UBN2: variants seen among roughly 807,000 people sequenced by gnomAD.
The protein encoded by UBN2 is ubinuclein-2.
In UBN2, 35 loss-of-function variants were observed where a neutral mutation model predicts 120.2. That is an observed-to-expected ratio of 0.29 (90% CI 0.22 to 0.39). The LOEUF (loss-of-function observed/expected upper bound fraction) is 0.39, where lower values mean the gene tolerates loss of function less well. Ranked by LOEUF, UBN2 falls within the 10% of genes least tolerant of loss-of-function variation. The probability of loss-of-function intolerance (pLI) is 1.00; values close to 1 mark genes in which losing one functional copy is unlikely to be tolerated. For synonymous variants in UBN2, 661 were observed against 648.7 expected (o/e 1.02, Z -0.29); for missense variants, 1,693 against 1,663.2 (o/e 1.02, Z -0.31).
rs1257335626 is a variant in UBN2, at chr7:139,299,249, T to C, written c.*1413T>C. ...AATATTTTCATACTATATCAGAGAA[T>C]GGTGTAAACTCTAAATGGTATAAGC... On this transcript the variant is annotated 3_prime_UTR_variant, in exon 18 of 18. Transcript: ENST00000473989. The C allele has an allele frequency of 6.6e-6, 1 of 152,190 alleles. No individual in the cohort carries two copies. The highest frequency in any genetic ancestry group is 6.5e-5 in the Admixed American group (1 of 15,274). The allele number at this position is 152,190 out of a possible 1,614,324, so 9.4% of individuals were successfully genotyped here.
chr7:139,303,504 C>G lies in UBN2; in HGVS notation c.*5668C>G, dbSNP rs77110946. On this transcript the variant is annotated 3_prime_UTR_variant, in exon 18 of 18. Coordinates refer to ENST00000473989, the MANE Select transcript of UBN2 (RefSeq NM_173569.4). ...GAACTTACCAGGCAGTTGGAATTCA[C>G]GAGTGTTATTCTTGAATGACTATGT... is the stretch of plus-strand genomic sequence containing the variant. 0.057 allele frequency: 8,628 copies of G among 152,170 alleles called. 483 individuals carry two copies. The highest frequency in any genetic ancestry group is 0.14 in the African/African-American group (5,820 of 41,484). 9.4% of individuals were successfully genotyped at this position (152,170 alleles called of 1,614,324 possible). A position where few individuals can be genotyped will look rare whatever the true frequency, so the allele number is the denominator to read the frequency against.
At chr7:139,293,493 TG>T in intron 16 of UBN2, 30 bp downstream of exon 16, 1 of 1,594,378 alleles carries the variant, frequency 6.3e-7, no homozygotes, top group Non-Finnish European at 8.6e-7. Context: ...TTGGTTGGGC[TG>T]TCTAGCTTGA....
intron 2 of UBN2, among the ~76,000 whole-genome samples, chr7:139,244,227 A>G (rs1443624685): frequency 6.6e-6 from 1 of 152,190 alleles, no homozygotes; most frequent in Admixed American, 6.5e-5. Flanking sequence ...GATAAATGAA[A>G]AGATCAAAAT....
chr7:139,284,436 C>T lies in UBN2; in HGVS notation c.3531C>T (p.Asn1177=), dbSNP rs541586281. 2 of 1,614,152 alleles carry T rather than the reference C, an allele frequency of 1.2e-6. No homozygotes were observed. The highest frequency in any genetic ancestry group is 2.7e-5 in the African/African-American group (2 of 75,028). Residue 1177 remains asparagine, a synonymous_variant, in exon 15 of 18, where the codon AAC becomes AAT. Transcript: ENST00000473989. The part of the protein sequence containing the change: ...AMNVPASRGS[N]LNSSGANRTS... ...ATGTACCTGCCAGCAGAGGTAGCAACCTTAACTCAAGCGGAGCTAATAGGA... is the reference window on the plus strand; with the variant it reads ...ATGTACCTGCCAGCAGAGGTAGCAATCTTAACTCAAGCGGAGCTAATAGGA...
rs548953543 is a variant in UBN2 at position 139,244,507 on chromosome 7, TAA to T, written c.561+7418_561+7419del. Among the ~76,000 whole-genome samples the T allele has an allele frequency of 2.0e-5, 3 of 150,922 alleles. No homozygotes were observed. The South Asian group carries it at 6.3e-4, about 32-fold the overall frequency. ...GGCAACATAGCAAGACCCCATCTCT[TAA>T]AAAAAAAGTTAGATCACCTGAGCAA... On this transcript the variant is annotated intron_variant, in intron 2 of 17. Transcript: ENST00000473989.
At chr7:139,236,407 T>G (rs755939432) in intron 1 of UBN2, among the ~76,000 whole-genome samples, 6 of 152,244 alleles carry the variant, frequency 3.9e-5, no homozygotes, top group Admixed American at 1.3e-4. Context: ...ACAGAAAGCC[T>G]TAGCCGCTAC....
intron 17 of UBN2, among the ~76,000 whole-genome samples, chr7:139,297,207 A>G (rs1450710555): frequency 1.3e-5 from 2 of 151,500 alleles, no homozygotes; most frequent in Non-Finnish European, 2.9e-5. Flanking sequence ...AAAAAAAAAA[A>G]AAAAGGAAAG....
At chr7:139,318,923 G>A in the UBN2 span, among the ~76,000 whole-genome samples, 44 of 152,170 alleles carry the variant, frequency 2.9e-4, no homozygotes, top group Admixed American at 4.6e-4. Flanking sequence ...GGACTCTTGC[G>A]GGGGTGGTTC....
At chr7:139,235,225 A>C in intron 1 of UBN2, among the ~76,000 whole-genome samples, 1 of 152,154 alleles carries the variant, frequency 6.6e-6, no homozygotes. Flanking sequence ...TTCACAGTGC[A>C]AGAGGGAGCA....
intron 13 of UBN2, among the ~76,000 whole-genome samples, chr7:139,280,791 G>A (rs1428369072): frequency 2.0e-5 from 3 of 152,060 alleles, no homozygotes; most frequent in African/African-American, 4.8e-5. Context: ...GACTACAGGC[G>A]CACACCACCA....
chr7:139,270,704 A>G (rs1324294787), intron 8 of UBN2, among the ~76,000 whole-genome samples: 2 of 152,222 alleles, frequency 1.3e-5, no homozygotes, highest in East Asian at 1.9e-4. Context: ...ATAATTCTTC[A>G]AAAGTAATCA....
In UBN2 at chr7:139,307,780, T is replaced by G. The variant is rs957421729; in HGVS notation, c.*9944T>G. Reference sequence around the variant, plus strand: ...TCTCAGTTCTACGTGCCCTTTGAACTTTAATGGTAAAACATTTCACACTTT... The same window carrying G: ...TCTCAGTTCTACGTGCCCTTTGAACGTTAATGGTAAAACATTTCACACTTT... On this transcript the variant is annotated 3_prime_UTR_variant, in exon 18 of 18. Coordinates refer to ENST00000473989, the MANE Select transcript of UBN2 (RefSeq NM_173569.4). The G allele has an allele frequency of 2.6e-5, 4 of 152,220 alleles. No homozygotes were observed. The highest frequency in any genetic ancestry group is 1.3e-4 in the Admixed American group (2 of 15,276). The allele number at this position is 152,220 out of a possible 1,614,324, so 9.4% of individuals were successfully genotyped here.
At position 139,308,026 on chromosome 7, in the gene UBN2, T is replaced by G. The variant is rs1293409412; in HGVS notation, c.*10190T>G. On this transcript the variant is annotated 3_prime_UTR_variant, in exon 18 of 18. Coordinates refer to ENST00000473989, the MANE Select transcript of UBN2 (RefSeq NM_173569.4). Reference sequence around the variant, plus strand: ...CTCCTTCAGTGCAGGGATTTTTGTGTTTTTTTTTTTTTTTTAATTTTTTTG... The same window carrying G: ...CTCCTTCAGTGCAGGGATTTTTGTGGTTTTTTTTTTTTTTTAATTTTTTTG... The G allele has an allele frequency of 1.1e-5, 1 of 92,670 alleles. No individual in the cohort carries two copies. The highest frequency in any genetic ancestry group is 1.8e-5 in the Non-Finnish European group (1 of 54,602). 5.7% of individuals were successfully genotyped at this position (92,670 alleles called of 1,614,324 possible). A position where few individuals can be genotyped will look rare whatever the true frequency, so the allele number is the denominator to read the frequency against.
At chr7:139,277,306 C>G (rs887035105) in intron 12 of UBN2, 1 of 152,210 alleles carries the variant, frequency 6.6e-6, no homozygotes, top group Admixed American at 6.5e-5. Context: ...CCTCATCCCA[C>G]ACAGTCAGAA....
At chr7:139,317,127 C>T in the UBN2 span, among the ~76,000 whole-genome samples, 4 of 151,902 alleles carry the variant, frequency 2.6e-5, no homozygotes, top group Admixed American at 6.6e-5. Context: ...GTTTTTCCTT[C>T]TCTATTCTGT....
Position 139,300,396 on chromosome 7 carries a change from A to G in UBN2, c.*2560A>G, listed in dbSNP as rs1358269339. 1 of 152,158 alleles carries G rather than the reference A, an allele frequency of 6.6e-6. No individual in the cohort carries two copies. Among genetic ancestry groups the G allele is most frequent in the African/African-American group, 2.4e-5 (1 of 41,432 alleles). The allele number at this position is 152,158 out of a possible 1,614,324, so 9.4% of individuals were successfully genotyped here. ...AGTTTCTACATGTAAATAGTAATCTATTTCTTTCCTAGATCATAACATTGA... is the reference window on the plus strand; with the variant it reads ...AGTTTCTACATGTAAATAGTAATCTGTTTCTTTCCTAGATCATAACATTGA... On this transcript the variant is annotated 3_prime_UTR_variant, in exon 18 of 18. Coordinates refer to ENST00000473989, the MANE Select transcript of UBN2 (RefSeq NM_173569.4).
intron 2 of UBN2, among the ~76,000 whole-genome samples, chr7:139,247,612 G>A (rs1295420383): frequency 6.6e-6 from 1 of 152,196 alleles, no homozygotes; most frequent in African/African-American, 2.4e-5. Flanking sequence ...AATAATAGAT[G>A]ATTGTACTTA....
chr7:139,246,869 C>T (rs138063228), intron 2 of UBN2, among the ~76,000 whole-genome samples: 463 of 152,258 alleles, frequency 3.0e-3, no homozygotes, highest in Non-Finnish European at 4.9e-3. Context: ...TGAAATTCCT[C>T]CATGTATTGC....
chr7:139,249,626 C>G (rs75252689), intron 2 of UBN2, among the ~76,000 whole-genome samples: 40 of 152,290 alleles, frequency 2.6e-4, no homozygotes, highest in African/African-American at 9.4e-4. Flanking sequence ...GCATCTCATG[C>G]TCTCTACAAG....
Sources: gnomAD v4.1 joint callset for allele counts (sites outside exome capture counted in the v4.1 genomes callset) on GRCh38, gnomAD v4.1.1 for gene constraint, MANE v1.5 for transcripts, NCBI Gene and HGNC (gene_info 2026-07-23, HGNC 2026-07-21) for gene names.